MTG1: variants seen among roughly 807,000 people sequenced by gnomAD.
MTG1 encodes the protein mitochondrial ribosome-associated GTPase 1.
Under a neutral mutation model 39.5 loss-of-function variants are expected in MTG1, and 30 were observed. The ratio of observed to expected loss-of-function variants is 0.76; its 90% confidence interval spans 0.57 to 1.03. The LOEUF is 1.03. Ranked by LOEUF, MTG1 falls within the 50% of genes least tolerant of loss-of-function variation. MTG1 has a pLI of 0.00. For synonymous variants in MTG1, 217 were observed against 179.0 expected (o/e 1.21, Z -1.69); for missense variants, 513 against 447.4 (o/e 1.15, Z -1.32).
intron 9 of MTG1, among the ~76,000 whole-genome samples, chr10:133,411,956 G>A (rs7906765): frequency 1.3e-5 from 2 of 151,836 alleles, no homozygotes; most frequent in Non-Finnish European, 2.9e-5. Context: ...CTGGCTCTTT[G>A]CTTTGTCTGT....
intron 9 of MTG1, among the ~76,000 whole-genome samples, chr10:133,414,533 G>A (rs1297656415): frequency 2.0e-5 from 3 of 151,666 alleles, no homozygotes; most frequent in South Asian, 4.2e-4. Context: ...ACGGGGTCGC[G>A]GCCGGGCAGA....
intron 3 of MTG1, 22 bp downstream of exon 3, chr10:133,396,289 G>T: frequency 6.3e-7 from 1 of 1,586,862 alleles, no homozygotes; most frequent in Non-Finnish European, 8.6e-7. Context: ...TCTCTCAGAC[G>T]CCTTCAGCAG....
At chr10:133,401,659 T>C (rs767737707) in intron 7 of MTG1, 69 bp downstream of exon 7, 5 of 1,485,634 alleles carry the variant, frequency 3.4e-6, no homozygotes, top group Non-Finnish European at 4.7e-6. Flanking sequence ...CCTGCCGACC[T>C]CTGTGTGGCT....
At chr10:133,409,263 T>C (rs1311212378) in intron 9 of MTG1, among the ~76,000 whole-genome samples, 3 of 152,222 alleles carry the variant, frequency 2.0e-5, no homozygotes, top group South Asian at 4.1e-4. Flanking sequence ...TTGAAGAAAT[T>C]TAAAATTTTT....
intron 9 of MTG1, among the ~76,000 whole-genome samples, chr10:133,411,455 G>C (rs1203226564): frequency 1.3e-5 from 2 of 152,126 alleles, no homozygotes; most frequent in African/African-American, 4.8e-5. Context: ...GGTGATCTCT[G>C]ACCTCCCTGT....
intron 10 of MTG1, 72 bp downstream of exon 10, chr10:133,419,664 G>T: frequency 8.1e-7 from 1 of 1,235,606 alleles, no homozygotes; most frequent in Non-Finnish European, 1.2e-6. Flanking sequence ...CATCCCTGGA[G>T]GAGGCAGGGA....
chr10:133,399,037 T>G, intron 4 of MTG1, 133 bp from the exon 5 acceptor site: 5 of 963,696 alleles, frequency 5.2e-6, no homozygotes, highest in Non-Finnish European at 6.5e-6. Context: ...AGATAGGAGG[T>G]TTCTGTTTTC....
chr10:133,402,607 C>T lies in MTG1; in HGVS notation c.671-85C>T. On this transcript the variant is annotated intron_variant, in intron 8 of 10. Coordinates refer to ENST00000317502, the MANE Select transcript of MTG1 (RefSeq NM_138384.4). The surrounding 1 kb of genome is among the most constrained non-coding windows in gnomAD (Gnocchi z 4.7). Reference sequence around the variant, plus strand: ...TTCCTCACGGCACGGTGTCTTTGGGCTAGGACTGGAAGGGATGTGTTTGAA... The same window carrying T: ...TTCCTCACGGCACGGTGTCTTTGGGTTAGGACTGGAAGGGATGTGTTTGAA... 1 of 1,245,066 alleles carries T rather than the reference C, an allele frequency of 8.0e-7. No individual in the cohort carries two copies. The highest frequency in any genetic ancestry group is 2.5e-5 in the East Asian group (1 of 39,498). The allele number at this position is 1,245,066 out of a possible 1,614,324, so 77.1% of individuals were successfully genotyped here.
At chr10:133,414,058 T>G (rs1850085785) in intron 9 of MTG1, among the ~76,000 whole-genome samples, 1 of 149,456 alleles carries the variant, frequency 6.7e-6, no homozygotes, top group African/African-American at 2.5e-5. Context: ...CAGAGGACCC[T>G]GCGACCTTCC....
chr10:133,399,653 G>C (rs1273706578), intron 6 of MTG1, 34 bp downstream of exon 6: 1 of 1,605,606 alleles, frequency 6.2e-7, no homozygotes, highest in Non-Finnish European at 8.5e-7. Context: ...CCTCAGGAAA[G>C]GTACTGGCGC....
intron 2 of MTG1, among the ~76,000 whole-genome samples, 187 bp from the exon 3 acceptor site, chr10:133,395,976 G>A (rs1222517653): frequency 1.3e-5 from 2 of 152,258 alleles, no homozygotes; most frequent in Middle Eastern, 3.4e-3. Context: ...CAAGCCTGAC[G>A]GTACGGTGCA....
rs1850218581 is a variant in MTG1, at chr10:133,420,737, C to T, written c.*572C>T. ...AGACCAGAGACTCCCAGCAGCAGAG[C>T]CCAAGCACTGGCTTCGCCCCTCAGT... On this transcript the variant is annotated 3_prime_UTR_variant, in exon 11 of 11. Transcript: ENST00000317502. 1 of 152,692 alleles carries T rather than the reference C, an allele frequency of 6.5e-6. No homozygotes were observed. Among genetic ancestry groups the T allele is most frequent in the African/African-American group, 2.4e-5 (1 of 41,490 alleles). The allele number at this position is 152,692 out of a possible 1,614,324, so 9.5% of individuals were successfully genotyped here.
rs149110134 is a variant in MTG1 at position 133,399,424 on chromosome 10, C to T, written c.421-105C>T. ...AGCCTCGGCGTTAACCTCCCTTCTT[C>T]CCTGAGCTGACCTGGCCTGGGGTCC... is the stretch of plus-strand genomic sequence containing the variant. On this transcript the variant is annotated intron_variant, in intron 5 of 10. Transcript: ENST00000317502. 11,181 of 1,285,998 alleles carry T rather than the reference C, an allele frequency of 8.7e-3. 70 individuals carry two copies. Among genetic ancestry groups the T allele is most frequent in the Non-Finnish European group, 0.011 (9,636 of 893,392 alleles). The allele number at this position is 1,285,998 out of a possible 1,614,324, so 79.7% of individuals were successfully genotyped here.
At chr10:133,404,819 CT>C (rs1849946407) in intron 9 of MTG1, among the ~76,000 whole-genome samples, 1 of 152,124 alleles carries the variant, frequency 6.6e-6, no homozygotes, top group African/African-American at 2.4e-5. Flanking sequence ...ACTGAATTGT[CT>C]TTGCATCTTT....
chr10:133,418,105 G>A (rs7902198), intron 9 of MTG1, among the ~76,000 whole-genome samples: 2,002 of 152,326 alleles, frequency 0.013, 47 homozygotes, highest in African/African-American at 0.045. Flanking sequence ...CTGGGTTCAA[G>A]CGATTCTCCC....
Position 133,394,586 on chromosome 10 carries a change from G to C in MTG1, c.112+254G>C. On this transcript the variant is annotated intron_variant, in intron 1 of 10. Coordinates refer to ENST00000317502, the MANE Select transcript of MTG1 (RefSeq NM_138384.4). ...GCAGCCTCGGACCCAGGGCCTGCTTGACCTCCTACCTCTGGCCCGCCGCCC... is the reference window on the plus strand; with the variant it reads ...GCAGCCTCGGACCCAGGGCCTGCTTCACCTCCTACCTCTGGCCCGCCGCCC... 2.3e-6 allele frequency: 3 copies of C among 1,317,456 alleles called. No homozygotes were observed. The African/African-American group carries it at 4.6e-5, about 20-fold the overall frequency. 81.6% of individuals were successfully genotyped at this position (1,317,456 alleles called of 1,614,324 possible).
intron 9 of MTG1, among the ~76,000 whole-genome samples, chr10:133,409,097 G>A (rs1850008885): frequency 6.7e-6 from 1 of 150,300 alleles, no homozygotes; most frequent in South Asian, 2.1e-4. Flanking sequence ...GATTTGGTTT[G>A]CTCTCACTTT....
intron 1 of MTG1, chr10:133,394,683 A>G (rs1421393959): frequency 3.6e-6 from 4 of 1,116,254 alleles, no homozygotes; most frequent in South Asian, 6.5e-5. Context: ...CATGTTCTTG[A>G]CAAGATAGAC....
In MTG1 at chr10:133,422,214, C is replaced by T. The variant is rs931702006; in HGVS notation, c.*2049C>T. 6.6e-6 allele frequency: 1 copy of T among 152,418 alleles called. No individual in the cohort carries two copies. The highest frequency in any genetic ancestry group is 1.5e-5 in the Non-Finnish European group (1 of 68,184). The allele number at this position is 152,418 out of a possible 1,614,324, so 9.4% of individuals were successfully genotyped here. A position where few individuals can be genotyped will look rare whatever the true frequency, so the allele number is the denominator to read the frequency against. The stretch of plus-strand genomic sequence containing the variant: ...GCTTGCTTTGGGGTCTGAGTTAGCT[C>T]CTGGCTCCACTGAGCAGGCCGTCAG... On this transcript the variant is annotated 3_prime_UTR_variant, in exon 11 of 11. Coordinates refer to ENST00000317502, the MANE Select transcript of MTG1 (RefSeq NM_138384.4).
Sources: gnomAD v4.1 joint callset for allele counts (sites outside exome capture counted in the v4.1 genomes callset) on GRCh38, gnomAD v4.1.1 for gene constraint, Gnocchi (gnomAD v3.1) non-coding constraint, MANE v1.5 for transcripts, NCBI Gene and HGNC (gene_info 2026-07-23, HGNC 2026-07-21) for gene names.